The following PIK3C2B variants were observed in gnomAD, a reference collection of about 807,000 sequenced individuals.
PIK3C2B encodes the protein phosphatidylinositol-4-phosphate 3-kinase catalytic subunit type 2 beta.
Under a neutral mutation model 184.3 loss-of-function variants are expected in PIK3C2B, and 83 were observed. The observed-to-expected ratio is 0.45, with a 90% confidence interval of 0.38 to 0.54. The LOEUF (loss-of-function observed/expected upper bound fraction) is 0.54. PIK3C2B is among the 20% of genes least tolerant of loss of function. PIK3C2B has a pLI of 0.00. For missense variants in PIK3C2B, 1,736 were observed against 2,113.5 expected, an observed-to-expected ratio of 0.82 and a Z score of 3.50; for synonymous variants, 779 against 837.6, an observed-to-expected ratio of 0.93 and a Z score of 1.21.
intron 27 of PIK3C2B, 81 bp from the exon 28 acceptor site, chr1:204,431,874 T>G: frequency 6.5e-7 from 1 of 1,534,060 alleles, no homozygotes; most frequent in Non-Finnish European, 9.0e-7. Flanking sequence ...CGGAAGTGTA[T>G]GTATGTGCTG....
chr1:204,475,886 C>T (rs1404601523), intron 1 of PIK3C2B, among the ~76,000 whole-genome samples: 1 of 152,140 alleles, frequency 6.6e-6, no homozygotes, highest in Non-Finnish European at 1.5e-5. Context: ...GGAAGGAAGC[C>T]CACCCCTCTG....
chr1:204,492,300 T>G (rs1450678627), intron 1 of PIK3C2B, among the ~76,000 whole-genome samples: 1 of 152,152 alleles, frequency 6.6e-6, no homozygotes, highest in Non-Finnish European at 1.5e-5. Flanking sequence ...AAACTAAATC[T>G]TAGGTCCACA....
At chr1:204,435,611 T>C (rs1675300859) in intron 23 of PIK3C2B, 1 of 152,226 alleles carries the variant, frequency 6.6e-6, no homozygotes, top group South Asian at 2.1e-4. Context: ...TACTGACTTC[T>C]CCTCCTCTGA....
intron 1 of PIK3C2B, among the ~76,000 whole-genome samples, chr1:204,471,876 A>C (rs1179552943): frequency 3.9e-5 from 6 of 152,242 alleles, no homozygotes. Context: ...GGATCCTCCC[A>C]AAATACACCA....
chr1:204,436,508 G>A (rs191198003), intron 23 of PIK3C2B, among the ~76,000 whole-genome samples: 3 of 152,206 alleles, frequency 2.0e-5, no homozygotes, highest in African/African-American at 7.2e-5. Context: ...GGGTGACAGA[G>A]TGAGACCCTG....
At chr1:204,425,961 G>C (rs1345287829) in intron 31 of PIK3C2B, among the ~76,000 whole-genome samples, 2 of 152,170 alleles carry the variant, frequency 1.3e-5, no homozygotes, top group Non-Finnish European at 2.9e-5. Context: ...GTTTGCCTAT[G>C]ATATCAAGTC....
In PIK3C2B at chr1:204,449,246, T is replaced by G. The variant is rs778400841; in HGVS notation, c.2285A>C (p.Glu762Ala). 1 of 1,613,056 alleles carries G rather than the reference T, an allele frequency of 6.2e-7. No individual in the cohort carries two copies. The highest frequency in any genetic ancestry group is 2.2e-5 in the East Asian group (1 of 44,886). ...KLLGLWPATQ[E>A]NPSARWSAPN... ...TGCACTCCAACGGGCGCTGGGATTT[T>G]CCTGTGTTGCTGGCCACAAACCCAG... is the stretch of plus-strand genomic sequence containing the variant. Residue 762 changes from glutamate to alanine, a missense_variant, in exon 14 of 33, where the codon GAA (glutamate) becomes GCA (alanine). Physicochemically the swap from Glu to Ala is moderately radical, Grantham distance 107 (BLOSUM62 -1). Coordinates refer to ENST00000684373, the MANE Select transcript of PIK3C2B (RefSeq NM_001377334.1).
chr1:204,431,793 T>A lies in PIK3C2B; in HGVS notation c.4156A>T (p.Ile1386Leu), dbSNP rs746512872. 1.2e-6 allele frequency: 2 copies of A among 1,614,046 alleles called. No homozygotes were observed. The highest frequency in any genetic ancestry group is 2.2e-5 in the South Asian group (2 of 91,088). Residue 1386 changes from isoleucine (I) to leucine (L), a missense_variant and splice_region_variant, in exon 28 of 33, where the codon ATA becomes TTA. Coordinates refer to ENST00000684373, the MANE Select transcript of PIK3C2B (RefSeq NM_001377334.1). ...TCTCGCATCACCTTTACCACATATA[T>A]CTGCAAAGGTCCAGATCTTAGGGTG... is the stretch of plus-strand genomic sequence containing the variant. ...EKIFHPNKGYIYVVKVMRENT... is the reference protein window; with the variant it reads ...EKIFHPNKGYLYVVKVMRENT...
At chr1:204,445,316 G>A (rs1350139659) in intron 16 of PIK3C2B, among the ~76,000 whole-genome samples, 2 of 152,026 alleles carry the variant, frequency 1.3e-5, no homozygotes, top group African/African-American at 4.8e-5. Context: ...AAAAAGGCTG[G>A]GCATGGTAGC....
intron 1 of PIK3C2B, among the ~76,000 whole-genome samples, chr1:204,481,828 G>A (rs1319162245): frequency 6.6e-6 from 1 of 152,202 alleles, no homozygotes; most frequent in Non-Finnish European, 1.5e-5. Context: ...AATCAGGAAG[G>A]TGTAAAGAAG....
intron 23 of PIK3C2B, 79 bp from the exon 24 acceptor site, chr1:204,434,687 A>T (rs761183906): frequency 9.8e-5 from 116 of 1,188,094 alleles, no homozygotes; most frequent in Non-Finnish European, 1.3e-4. Context: ...GCCAGACAGA[A>T]CTCAGCCAGC....
At chr1:204,452,060 G>A (rs1371299665) in intron 12 of PIK3C2B, among the ~76,000 whole-genome samples, 1 of 152,094 alleles carries the variant, frequency 6.6e-6, no homozygotes, top group African/African-American at 2.4e-5. Context: ...GACCATGAAG[G>A]GCCAAGAAGT....
intron 10 of PIK3C2B, 131 bp downstream of exon 10, chr1:204,456,899 CACACACA>C (rs1289266716): frequency 2.1e-5 from 7 of 329,906 alleles, no homozygotes; most frequent in African/African-American, 2.0e-4. Flanking sequence ...CACACACACA[CACACACA>C]CCCACACACA....
At chr1:204,441,587 C>T (rs891281821) in intron 20 of PIK3C2B, 24 bp from the exon 21 acceptor site, 11 of 1,563,918 alleles carry the variant, frequency 7.0e-6, no homozygotes, top group East Asian at 2.2e-5. Flanking sequence ...AAGATAGTGA[C>T]GAGGGTCAGA....
intron 2 of PIK3C2B, chr1:204,466,772 T>C: frequency 2.0e-6 from 1 of 500,920 alleles, no homozygotes; most frequent in South Asian, 1.5e-5. Context: ...GCCACTTACG[T>C]TTGCCCAGCT....
At chr1:204,448,979 C>T (rs1023731296) in intron 14 of PIK3C2B, among the ~76,000 whole-genome samples, 2 of 152,186 alleles carry the variant, frequency 1.3e-5, no homozygotes, top group African/African-American at 4.8e-5. Context: ...AATTTAACCT[C>T]CAGGAGATGG....
At chr1:204,462,924 G>A (rs1445744518) in intron 5 of PIK3C2B, among the ~76,000 whole-genome samples, 1 of 151,700 alleles carries the variant, frequency 6.6e-6, no homozygotes, top group African/African-American at 2.4e-5. Context: ...GCGTGGTGGT[G>A]CTTATGCCTG....
At chr1:204,440,122 T>G in intron 22 of PIK3C2B, 70 bp downstream of exon 22, 1 of 1,483,368 alleles carries the variant, frequency 6.7e-7, no homozygotes, top group East Asian at 2.5e-5. Flanking sequence ...ACAGTTTGTG[T>G]TGGCAATGGG....
intron 1 of PIK3C2B, among the ~76,000 whole-genome samples, chr1:204,486,739 T>C (rs1164041663): frequency 6.6e-6 from 1 of 152,126 alleles, no homozygotes. Flanking sequence ...CAAAAAAAGA[T>C]TACCTCTTAT....
Sources: gnomAD v4.1 joint callset for allele counts (sites outside exome capture counted in the v4.1 genomes callset) on GRCh38, gnomAD v4.1.1 for gene constraint, MANE v1.5 for transcripts, NCBI Gene and HGNC (gene_info 2026-07-23, HGNC 2026-07-21) for gene names.